The following ZFYVE21 variants were observed in gnomAD, a reference collection of about 807,000 sequenced individuals.
The protein encoded by ZFYVE21 is zinc finger FYVE-type containing 21, also known as zinc finger FYVE domain-containing protein 21.
In ZFYVE21, 21 loss-of-function variants were observed where a neutral mutation model predicts 29.5. That is an observed-to-expected ratio of 0.71 (90% CI 0.50 to 1.02). The LOEUF (loss-of-function observed/expected upper bound fraction) is 1.02, where lower values mean the gene tolerates loss of function less well. ZFYVE21 is among the 50% of genes least tolerant of loss of function. The probability of loss-of-function intolerance (pLI) is 0.00; values close to 1 mark genes in which losing one functional copy is unlikely to be tolerated. For missense variants in ZFYVE21, 326 were observed against 335.4 expected (o/e 0.97, Z 0.22); for synonymous variants, 151 against 133.8 (o/e 1.13, Z -0.89).
chr14:103,720,055 G>A (rs899519327), intron 1 of ZFYVE21, among the ~76,000 whole-genome samples: 2 of 152,182 alleles, frequency 1.3e-5, no homozygotes, highest in African/African-American at 2.4e-5. Context: ...AGTAACGCAC[G>A]TGTTTCTAGT....
chr14:103,728,581 G>C (rs1446213608), intron 3 of ZFYVE21, among the ~76,000 whole-genome samples: 1 of 152,176 alleles, frequency 6.6e-6, no homozygotes, highest in Non-Finnish European at 1.5e-5. Flanking sequence ...CCAGCTCTTA[G>C]GACGTGTGAG....
Position 103,727,906 on chromosome 14 carries a change from T to G in ZFYVE21, c.350T>G (p.Leu117Arg). Residue 117 changes from leucine to arginine, a missense_variant, in exon 3 of 7, where the codon CTC becomes CGC. By Grantham distance (102) the Leu-to-Arg change is moderately radical. Transcript: ENST00000311141. ...TTCTACGACAAGCAGCTCAAAGTGC[T>G]CCTGAGCGGTAAGGACGGGTGTCCT... is the stretch of plus-strand genomic sequence containing the variant. Reference protein sequence around the residue: ...AEFYDKQLKVLLSGATFLVTF... With the variant: ...AEFYDKQLKVRLSGATFLVTF... The G allele has an allele frequency of 6.2e-7, 1 of 1,611,646 alleles. No individual in the cohort carries two copies. The highest frequency in any genetic ancestry group is 1.3e-5 in the African/African-American group (1 of 75,014).
chr14:103,729,188 T>C lies in ZFYVE21; in HGVS notation c.526+6T>C, dbSNP rs1185855591. 2.5e-6 allele frequency: 4 copies of C among 1,613,980 alleles called. No homozygotes were observed. In the Admixed American group the frequency reaches 5.0e-5, roughly 20 times the overall value. ...AGAAGGCTTCCCTCCTGGAGGTAAA[T>C]GCCAGCACGTCCTTTCCTAAGCCAG... is the stretch of plus-strand genomic sequence containing the variant. On this transcript the variant is annotated splice_donor_region_variant and intron_variant, in intron 5 of 6. Transcript: ENST00000311141.
At chr14:103,732,099 A>G (rs539736399) in intron 5 of ZFYVE21, 1 of 152,454 alleles carries the variant, frequency 6.6e-6, no homozygotes, top group African/African-American at 2.4e-5. Context: ...CTCTGTGCTG[A>G]CGCCGCTTCT....
At position 103,732,679 on chromosome 14, in the gene ZFYVE21, G is replaced by A. The variant is rs758059451; in HGVS notation, c.586G>A (p.Val196Met). ...GTATACAGTGCCGGGGACGGAGGGT[G>A]TGACCCAGCTGAAGCTGACAGTGGT... The part of the protein sequence containing the change: ...LQYTVPGTEG[V>M]TQLKLTVVED... The change falls in exon 6 of 7, where the codon GTG becomes ATG. Residue 196 changes from valine to methionine, a missense_variant. By Grantham distance (21) the Val-to-Met change is conservative. Transcript: ENST00000311141. 34 of 1,612,918 alleles carry A rather than the reference G, an allele frequency of 2.1e-5. No individual in the cohort carries two copies. The highest frequency in any genetic ancestry group is 2.9e-5 in the Non-Finnish European group (34 of 1,179,632).
chr14:103,729,276 C>T (rs1258398642), intron 5 of ZFYVE21, 94 bp downstream of exon 5: 4 of 1,259,706 alleles, frequency 3.2e-6, no homozygotes, highest in Non-Finnish European at 4.5e-6. Flanking sequence ...AGGCAGCTGC[C>T]CTGAGGAGTG....
At chr14:103,725,715 C>T (rs1375777200) in intron 1 of ZFYVE21, 5 of 152,254 alleles carry the variant, frequency 3.3e-5, no homozygotes, top group Non-Finnish European at 5.9e-5. Flanking sequence ...CCCTGTGCTT[C>T]GGTGACAAGT....
intron 1 of ZFYVE21, among the ~76,000 whole-genome samples, chr14:103,722,590 C>T (rs2083882553): frequency 6.6e-6 from 1 of 152,058 alleles, no homozygotes; most frequent in Non-Finnish European, 1.5e-5. Context: ...GAGGCCGATG[C>T]AGGCAGATCA....
chr14:103,730,512 A>C (rs1488374108), intron 5 of ZFYVE21: 1 of 152,582 alleles, frequency 6.6e-6, no homozygotes, highest in Non-Finnish European at 1.5e-5. Context: ...GTGCCTCAGG[A>C]GGCCAGGGCA....
Position 103,732,654 on chromosome 14 carries a change from G to C in ZFYVE21, c.561G>C (p.Gln187His). The C allele has an allele frequency of 6.2e-7, 1 of 1,609,142 alleles. No homozygotes were observed. The highest frequency in any genetic ancestry group is 8.5e-7 in the Non-Finnish European group (1 of 1,178,394). ...GNARATGMFL[Q>H]YTVPGTEGVT... Reference sequence around the variant, plus strand: ...CACGGGCCACAGGCATGTTCCTGCAGTATACAGTGCCGGGGACGGAGGGTG... The same window carrying C: ...CACGGGCCACAGGCATGTTCCTGCACTATACAGTGCCGGGGACGGAGGGTG... Residue 187 changes from glutamine (Q) to histidine (H), a missense_variant, in exon 6 of 7, where the codon CAG becomes CAC. Gln to His is a conservative substitution (Grantham distance 24). Transcript: ENST00000311141.
Position 103,733,564 on chromosome 14 carries a change from G to T in ZFYVE21, c.*546G>T. 6.5e-6 allele frequency: 1 copy of T among 153,386 alleles called. No homozygotes were observed. 9.5% of individuals were successfully genotyped at this position (153,386 alleles called of 1,614,324 possible). On this transcript the variant is annotated 3_prime_UTR_variant, in exon 7 of 7. Coordinates refer to ENST00000311141, the MANE Select transcript of ZFYVE21 (RefSeq NM_024071.4). ...GATACTTCACCAAGGGGAACGTGGG[G>T]GCTTTGTGTTTTGTACTTTTCACTC... is the stretch of plus-strand genomic sequence containing the variant.
chr14:103,728,268 C>CTTT (rs1567071295), intron 3 of ZFYVE21, among the ~76,000 whole-genome samples: 1 of 152,204 alleles, frequency 6.6e-6, no homozygotes, highest in Non-Finnish European at 1.5e-5. Flanking sequence ...GAGACCTTTG[C>CTTT]CCAATAGCAC....
rs2083811111 is a variant in ZFYVE21, at chr14:103,716,357, C to T, written c.138+378C>T. ...TGCGTCCCGAGAGCTGGGGCTCGCT[C>T]CCGAGAAAGTGGAAGGCGGAGCGCC... On this transcript the variant is annotated intron_variant, in intron 1 of 6. Coordinates refer to ENST00000311141, the MANE Select transcript of ZFYVE21 (RefSeq NM_024071.4). This position sits in a 1 kb window ranked among gnomAD's most constrained non-coding sequence, Gnocchi z 4.8. 6.6e-6 allele frequency among the ~76,000 whole-genome samples: 1 copy of T among 152,130 alleles called. No individual in the cohort carries two copies. The highest frequency in any genetic ancestry group is 2.4e-5 in the African/African-American group (1 of 41,458).
chr14:103,728,012 C>A (rs1047972916), intron 3 of ZFYVE21, 98 bp downstream of exon 3: 6 of 1,303,388 alleles, frequency 4.6e-6, no homozygotes, highest in Non-Finnish European at 2.1e-6. Flanking sequence ...TTCTGCTTCT[C>A]TGACGTTCTC....
chr14:103,727,935 C>G, intron 3 of ZFYVE21, 21 bp downstream of exon 3: 1 of 1,585,270 alleles, frequency 6.3e-7, no homozygotes, highest in South Asian at 1.1e-5. Flanking sequence ...GTGTCCTGCA[C>G]AGTCCCGCGC....
In ZFYVE21 at chr14:103,732,704, T is replaced by A. The variant is rs769499081; in HGVS notation, c.611T>A (p.Val204Glu). The part of the protein sequence containing the change: ...EGVTQLKLTV[V>E]EDVTVGRRQA... ...GTGACCCAGCTGAAGCTGACAGTGG[T>A]GGAGGACGTGACTGTGGGCAGGAGG... Residue 204 changes from valine (V) to glutamate (E), a missense_variant, in exon 6 of 7, where the codon GTG becomes GAG. Coordinates refer to ENST00000311141, the MANE Select transcript of ZFYVE21 (RefSeq NM_024071.4). The A allele has an allele frequency of 6.2e-7, 1 of 1,613,646 alleles. No individual in the cohort carries two copies. The highest frequency in any genetic ancestry group is 1.7e-5 in the Admixed American group (1 of 59,848).
chr14:103,726,754 C>A (rs779895743), intron 1 of ZFYVE21, 38 bp from the exon 2 acceptor site: 1 of 1,613,050 alleles, frequency 6.2e-7, no homozygotes. Flanking sequence ...TGGTGAGTGA[C>A]CAAGCTGCGT....
chr14:103,730,019 G>A, intron 5 of ZFYVE21: 1 of 726,736 alleles, frequency 1.4e-6, no homozygotes, highest in Non-Finnish European at 2.2e-6. Flanking sequence ...GGTTTATAAA[G>A]CATAAATGAA....
intron 1 of ZFYVE21, among the ~76,000 whole-genome samples, chr14:103,717,343 T>C (rs2083835079): frequency 6.6e-6 from 1 of 152,226 alleles, no homozygotes; most frequent in Non-Finnish European, 1.5e-5. Flanking sequence ...TAACGAACTC[T>C]TAATAGCACA....
Sources: allele counts gnomAD v4.1 joint callset (sites outside exome capture counted in the v4.1 genomes callset), GRCh38; gene constraint gnomAD v4.1.1; non-coding constraint Gnocchi (gnomAD v3.1); transcripts MANE v1.5; gene names NCBI Gene and HGNC (gene_info 2026-07-23, HGNC 2026-07-21).